The following IFT140 variants were observed in gnomAD, a reference collection of about 807,000 sequenced individuals.
The protein encoded by IFT140 is intraflagellar transport 140, also known as intraflagellar transport protein 140 homolog.
In IFT140, 133 loss-of-function variants were observed where a neutral mutation model predicts 164.6. That is an observed-to-expected ratio of 0.81 (90% confidence interval 0.70 to 0.93). The LOEUF (loss-of-function observed/expected upper bound fraction) is 0.93, where lower values mean the gene tolerates loss of function less well. Among genes scored for constraint, IFT140 ranks in the 40% least tolerant of loss-of-function variants. The pLI, the probability that IFT140 is intolerant of heterozygous loss-of-function variation, is 0.00. For synonymous variants in IFT140, 860 were observed against 817.3 expected (o/e 1.05, Z -0.89); for missense variants, 2,045 against 1,972.3 (o/e 1.04, Z -0.70).
At chr16:1,602,308 C>T (rs1265298000) in intron 4 of IFT140, 62 bp downstream of exon 4, 2 of 1,421,266 alleles carry the variant, frequency 1.4e-6, no homozygotes, top group African/African-American at 2.8e-5. Flanking sequence ...ATCTTTCATA[C>T]TCTCGAGCAT....
intron 19 of IFT140, chr16:1,527,085 T>G (rs1457478493): frequency 2.2e-6 from 1 of 444,718 alleles, no homozygotes; most frequent in Non-Finnish European, 4.0e-6. Flanking sequence ...TTTTCCCTGC[T>G]CTAAGCGGCT....
At chr16:1,546,133 G>T (rs2032152655) in intron 19 of IFT140, among the ~76,000 whole-genome samples, 1 of 152,246 alleles carries the variant, frequency 6.6e-6, no homozygotes. Context: ...GGCAGAGAGG[G>T]AAAGGAGTAT....
chr16:1,587,366 GT>G, intron 8 of IFT140, 62 bp from the exon 9 acceptor site: 7 of 1,031,076 alleles, frequency 6.8e-6, no homozygotes, highest in South Asian at 1.3e-5. Context: ...CCTCTGAGGG[GT>G]TTTTGAACCT....
intron 19 of IFT140, among the ~76,000 whole-genome samples, chr16:1,536,012 G>A (rs918877307): frequency 2.6e-5 from 4 of 152,234 alleles, no homozygotes; most frequent in Non-Finnish European, 4.4e-5. Context: ...TCTCGCGGGG[G>A]CAGCGGCTTT....
chr16:1,606,833 C>CACACACACACACATACACACAT (rs2036087610), intron 3 of IFT140, among the ~76,000 whole-genome samples: 1 of 151,874 alleles, frequency 6.6e-6, no homozygotes, highest in Non-Finnish European at 1.5e-5. Flanking sequence ...ACCACACGCA[C>CACACACACACACATACACACAT]ACACACACAC....
At chr16:1,550,968 C>T (rs540746523) in intron 19 of IFT140, among the ~76,000 whole-genome samples, 109 of 152,302 alleles carry the variant, frequency 7.2e-4, no homozygotes, top group Middle Eastern at 6.8e-3. Context: ...GCTGCCCCTC[C>T]GTGAGCATTC....
rs569828117 is a variant in IFT140, at chr16:1,526,762, C to T, written c.2434G>A (p.Val812Met). The change falls in exon 20 of 31, where the codon GTG becomes ATG. Residue 812 changes from valine to methionine, a missense_variant. Physicochemically the swap from Val to Met is conservative, Grantham distance 21. Coordinates refer to ENST00000426508, the MANE Select transcript of IFT140 (RefSeq NM_014714.4). ...AVWENMARMC[V>M]KTQRLDVAKV... ...GCCACGTCCAGCCGCTGGGTCTTCA[C>T]GCACATGCGCGCCATGTTCTCCCAG... The T allele has an allele frequency of 4.5e-5, 73 of 1,610,420 alleles. No individual in the cohort carries two copies. The highest frequency in any genetic ancestry group is 3.7e-4 in the African/African-American group (28 of 75,054).
intron 29 of IFT140, among the ~76,000 whole-genome samples, chr16:1,519,652 C>T (rs2040460642): frequency 6.6e-6 from 1 of 152,202 alleles, no homozygotes. Flanking sequence ...CACTCCCCCA[C>T]CAGGTTTCTC....
chr16:1,608,677 C>CCAG (rs2036197512), intron 2 of IFT140, among the ~76,000 whole-genome samples: 1 of 150,468 alleles, frequency 6.6e-6, no homozygotes, highest in Non-Finnish European at 1.5e-5. Flanking sequence ...AACAAACACT[C>CCAG]CAGATCAAAA....
rs370111842 is a variant in IFT140 at position 1,526,089 on chromosome 16, G to A, written c.2578-12C>T. Reference sequence around the variant, plus strand: ...TGCTCGGCGTCCTCCTGAGGAATGAGGATGGGCAGGTGTCGTGCAGCCTCC... The same window carrying A: ...TGCTCGGCGTCCTCCTGAGGAATGAAGATGGGCAGGTGTCGTGCAGCCTCC... On this transcript the variant is annotated splice_polypyrimidine_tract_variant and intron_variant, in intron 20 of 30. Transcript: ENST00000426508. The A allele has an allele frequency of 1.9e-6, 3 of 1,572,110 alleles. No individual in the cohort carries two copies. The highest frequency in any genetic ancestry group is 3.7e-5 in the Admixed American group (2 of 54,400).
chr16:1,566,164 T>TTAG lies in IFT140; in HGVS notation c.1895_1897dup (p.Thr632dup), dbSNP rs1161751271. 6.2e-7 allele frequency: 1 copy of TTAG among 1,612,814 alleles called. No homozygotes were observed. The highest frequency in any genetic ancestry group is 8.5e-7 in the Non-Finnish European group (1 of 1,179,242). ...TCCTCCTGAACCACAATCTTACTTA[T>TTAG]TAGTCTCTTGCTCATTAAAGGACAG... On this transcript the variant is annotated inframe_insertion, in exon 16 of 31. Transcript: ENST00000426508.
intron 12 of IFT140, 74 bp from the exon 13 acceptor site, chr16:1,580,924 C>T (rs1257102833): frequency 9.5e-6 from 9 of 942,758 alleles, no homozygotes; most frequent in Non-Finnish European, 1.2e-5. Flanking sequence ...GGAGCATTCC[C>T]ACACACGATC....
Position 1,553,828 on chromosome 16 carries a change from C to T in IFT140, c.2399+4107G>A. On this transcript the variant is annotated intron_variant, in intron 19 of 30. Coordinates refer to ENST00000426508, the MANE Select transcript of IFT140 (RefSeq NM_014714.4). This position sits in a 1 kb window ranked among gnomAD's most constrained non-coding sequence, Gnocchi z 4.4. ...TCCAGCTGGATTAGGACGCCCGGCT[C>T]CATCGCTGCGGCCACAGTGTCCTGT... The T allele has an allele frequency of 8.3e-7, 1 of 1,209,244 alleles. No individual in the cohort carries two copies. The highest frequency in any genetic ancestry group is 1.1e-6 in the Non-Finnish European group (1 of 950,690). 74.9% of individuals were successfully genotyped at this position (1,209,244 alleles called of 1,614,324 possible). A position where few individuals can be genotyped will look rare whatever the true frequency, so the allele number is the denominator to read the frequency against.
intron 26 of IFT140, 141 bp from the exon 27 acceptor site, chr16:1,520,949 A>G: frequency 1.5e-6 from 1 of 670,338 alleles, no homozygotes; most frequent in Non-Finnish European, 2.5e-6. Context: ...TATGGAGGGG[A>G]CAAGGATGTC....
intron 12 of IFT140, among the ~76,000 whole-genome samples, chr16:1,582,629 C>T (rs375998704): frequency 7.9e-5 from 12 of 152,236 alleles, no homozygotes; most frequent in Non-Finnish European, 1.8e-4. Context: ...CAAGGCCGGG[C>T]GCGGAGGCGC....
rs771792178 is a variant in IFT140, at chr16:1,586,160, G to A, written c.1125C>T (p.Thr375=). The A allele has an allele frequency of 6.8e-6, 11 of 1,613,694 alleles. No homozygotes were observed. Among genetic ancestry groups the A allele is most frequent in the Middle Eastern group, 1.6e-4 (1 of 6,084 alleles). ...GKDRWALQTP[T]ELQGNITQIQ... Reference sequence around the variant, plus strand: ...TTTGCGTGATGTTTCCTTGGAGCTCGGTAGGGGTCTGAAGGGCCCACCTGT... The same window carrying A: ...TTTGCGTGATGTTTCCTTGGAGCTCAGTAGGGGTCTGAAGGGCCCACCTGT... The change falls in exon 10 of 31, where the codon ACC becomes ACT. Residue 375 remains threonine, a synonymous_variant. Transcript: ENST00000426508.
At chr16:1,609,915 G>A (rs1335810540) in intron 2 of IFT140, 1 of 152,208 alleles carries the variant, frequency 6.6e-6, no homozygotes, top group East Asian at 1.9e-4. Flanking sequence ...CATCAACTTT[G>A]GGGAACAGGA....
chr16:1,574,292 T>C (rs1356495931), intron 13 of IFT140, among the ~76,000 whole-genome samples: 1 of 152,196 alleles, frequency 6.6e-6, no homozygotes, highest in Non-Finnish European at 1.5e-5. Context: ...TACTTATTTA[T>C]TTTTGAGACA....
intron 7 of IFT140, among the ~76,000 whole-genome samples, chr16:1,588,242 T>C (rs1174463285): frequency 6.6e-6 from 1 of 152,066 alleles, no homozygotes; most frequent in Non-Finnish European, 1.5e-5. Context: ...TAATGGCTAC[T>C]GGGCCGGCCG....
Sources: gnomAD v4.1 joint callset for allele counts (sites outside exome capture counted in the v4.1 genomes callset) on GRCh38, gnomAD v4.1.1 for gene constraint, Gnocchi (gnomAD v3.1) non-coding constraint, MANE v1.5 for transcripts, NCBI Gene and HGNC (gene_info 2026-07-23, HGNC 2026-07-21) for gene names.